Variants in SEC14L1 observed in about 807,000 individuals in gnomAD.
SEC14L1 encodes the protein SEC14 like lipid binding 1, also known as SEC14-like protein 1.
A neutral mutation model predicts 85.3 loss-of-function variants in SEC14L1; 48 were observed. That is an observed-to-expected ratio of 0.56 (90% confidence interval 0.45 to 0.72). The LOEUF (loss-of-function observed/expected upper bound fraction) is 0.72, where lower values mean the gene tolerates loss of function less well. SEC14L1 is among the 30% of genes least tolerant of loss of function. The probability of loss-of-function intolerance (pLI) is 0.00; values close to 1 mark genes in which losing one functional copy is unlikely to be tolerated. For missense variants in SEC14L1, 682 were observed against 921.4 expected, an observed-to-expected ratio of 0.74 and a Z score of 3.36; for synonymous variants, 391 against 355.5, an observed-to-expected ratio of 1.10 and a Z score of -1.12.
intron 3 of SEC14L1, among the ~76,000 whole-genome samples, chr17:77,125,244 G>A (rs1294227368): frequency 6.6e-6 from 1 of 151,800 alleles, no homozygotes; most frequent in Admixed American, 6.6e-5. Context: ...TGATCTGCCC[G>A]CCTCGGCCTC....
At chr17:77,186,018 T>A (rs943890556) in intron 3 of SEC14L1, among the ~76,000 whole-genome samples, 7 of 152,284 alleles carry the variant, frequency 4.6e-5, no homozygotes, top group Admixed American at 3.9e-4. Flanking sequence ...ACTTCCAAAG[T>A]AAGAACATTT....
At chr17:77,118,388 A>C (rs1295571145) in intron 3 of SEC14L1, among the ~76,000 whole-genome samples, 3 of 152,214 alleles carry the variant, frequency 2.0e-5, no homozygotes, top group African/African-American at 7.2e-5. Context: ...TTCAGTAGGC[A>C]CATATGGAGA....
intron 5 of SEC14L1, among the ~76,000 whole-genome samples, chr17:77,191,581 C>T (rs973519549): frequency 6.6e-6 from 1 of 151,928 alleles, no homozygotes; most frequent in African/African-American, 2.4e-5. Context: ...CTCCCTCTGT[C>T]GCCCAGGCCG....
At chr17:77,178,386 T>C (rs1481233889) in intron 3 of SEC14L1, among the ~76,000 whole-genome samples, 1 of 152,180 alleles carries the variant, frequency 6.6e-6, no homozygotes, top group African/African-American at 2.4e-5. Context: ...ATAATGTGGA[T>C]AAATCAGATG....
chr17:77,200,074 G>A (rs1411067900), intron 8 of SEC14L1, among the ~76,000 whole-genome samples: 1 of 152,214 alleles, frequency 6.6e-6, no homozygotes, highest in African/African-American at 2.4e-5. Flanking sequence ...GCTGAGGTGG[G>A]AGGATTGCCT....
At chr17:77,202,171 A>G (rs1471823565) in intron 9 of SEC14L1, among the ~76,000 whole-genome samples, 1 of 152,142 alleles carries the variant, frequency 6.6e-6, no homozygotes, top group Non-Finnish European at 1.5e-5. Flanking sequence ...GGCGGCACCC[A>G]TTAGACCTCC....
At chr17:77,184,239 A>G (rs1975169908) in intron 3 of SEC14L1, among the ~76,000 whole-genome samples, 1 of 152,202 alleles carries the variant, frequency 6.6e-6, no homozygotes, top group Non-Finnish European at 1.5e-5. Context: ...GGTGGTGCCC[A>G]TGAGATCTTT....
chr17:77,155,643 G>T (rs1374970043), intron 3 of SEC14L1, among the ~76,000 whole-genome samples: 1 of 152,152 alleles, frequency 6.6e-6, no homozygotes, highest in Non-Finnish European at 1.5e-5. Context: ...TCGTCCTTGG[G>T]GCTGCTGCCA....
intron 3 of SEC14L1, among the ~76,000 whole-genome samples, chr17:77,135,016 T>C (rs1972747762): frequency 6.6e-6 from 1 of 152,244 alleles, no homozygotes; most frequent in South Asian, 2.1e-4. Flanking sequence ...GCTGCCTGTC[T>C]TCTGTCCCTG....
At chr17:77,164,419 T>C (rs1288471532) in intron 3 of SEC14L1, among the ~76,000 whole-genome samples, 1 of 152,204 alleles carries the variant, frequency 6.6e-6, no homozygotes, top group Non-Finnish European at 1.5e-5. Context: ...CCCCCACCTC[T>C]TTTCCCTTTT....
At chr17:77,128,112 A>G (rs1420011176) in intron 3 of SEC14L1, 1 of 152,284 alleles carries the variant, frequency 6.6e-6, no homozygotes, top group Admixed American at 6.5e-5. Flanking sequence ...CAGTGCGTCA[A>G]CCATGGGTGC....
At chr17:77,105,721 A>G (rs1421094409) in intron 3 of SEC14L1, among the ~76,000 whole-genome samples, 1 of 152,212 alleles carries the variant, frequency 6.6e-6, no homozygotes, top group Non-Finnish European at 1.5e-5. Flanking sequence ...CTCAAGGTTA[A>G]GTGGTTAGGA....
At chr17:77,169,731 A>G (rs1053335711) in intron 3 of SEC14L1, among the ~76,000 whole-genome samples, 1 of 152,158 alleles carries the variant, frequency 6.6e-6, no homozygotes, top group Non-Finnish European at 1.5e-5. Flanking sequence ...GTGCATTTCA[A>G]AGGATCCTTT....
chr17:77,193,578 A>AGGGGGGGGGGGGGG, intron 6 of SEC14L1, 29 bp downstream of exon 6: 1 of 1,595,434 alleles, frequency 6.3e-7, no homozygotes, highest in South Asian at 1.1e-5. Context: ...TTTGTGGCAG[A>AGGGGGGGGGGGGGG]GGGTGGGCAG....
At position 77,213,085 on chromosome 17, in the gene SEC14L1, A is replaced by G. The variant is rs1976847879; in HGVS notation, c.1864-229A>G. On this transcript the variant is annotated intron_variant, in intron 15 of 16. Coordinates refer to ENST00000436233, the MANE Select transcript of SEC14L1 (RefSeq NM_001143998.2). This position sits in a 1 kb window ranked among gnomAD's most constrained non-coding sequence, Gnocchi z 7.1. Reference sequence around the variant, plus strand: ...GGCCTCGTGAGGGCCACGGACATGGAGCTTGTCCCTCCGGGCTTCCCAGCA... The same window carrying G: ...GGCCTCGTGAGGGCCACGGACATGGGGCTTGTCCCTCCGGGCTTCCCAGCA... Among the ~76,000 whole-genome samples the G allele has an allele frequency of 6.6e-6, 1 of 152,196 alleles. No homozygotes were observed. Among genetic ancestry groups the G allele is most frequent in the Non-Finnish European group, 1.5e-5 (1 of 68,030 alleles).
chr17:77,151,459 C>T (rs1973551020), intron 3 of SEC14L1, among the ~76,000 whole-genome samples: 2 of 152,112 alleles, frequency 1.3e-5, no homozygotes, highest in African/African-American at 4.8e-5. Flanking sequence ...TGGTTTTTCC[C>T]CATGCTTTTC....
intron 3 of SEC14L1, among the ~76,000 whole-genome samples, chr17:77,155,394 T>C (rs1479348002): frequency 5.3e-5 from 8 of 152,166 alleles, no homozygotes; most frequent in Admixed American, 5.2e-4. Flanking sequence ...CCCTTTCCCC[T>C]GAGCTGCTGC....
rs1260433496 is a variant in SEC14L1, at chr17:77,203,438, C to A, written c.1010-132C>A. On this transcript the variant is annotated intron_variant, in intron 9 of 16. Transcript: ENST00000436233. Reference sequence around the variant, plus strand: ...CTATCACACAAATCAGTTGCCACTTCTAAGAATCAGAAAGACTTTTAAGCG... The same window carrying A: ...CTATCACACAAATCAGTTGCCACTTATAAGAATCAGAAAGACTTTTAAGCG... 1.4e-5 allele frequency: 10 copies of A among 722,826 alleles called. No individual in the cohort carries two copies. The Admixed American group carries it at 3.0e-4, about 22-fold the overall frequency. The allele number at this position is 722,826 out of a possible 1,614,324, so 44.8% of individuals were successfully genotyped here. A position where few individuals can be genotyped will look rare whatever the true frequency, so the allele number is the denominator to read the frequency against.
At chr17:77,202,701 C>T (rs1976216851) in intron 9 of SEC14L1, among the ~76,000 whole-genome samples, 1 of 152,106 alleles carries the variant, frequency 6.6e-6, no homozygotes, top group African/African-American at 2.4e-5. Flanking sequence ...AGGCGGATTG[C>T]CTGAGCTCAG....
Sources: allele counts gnomAD v4.1 joint callset (sites outside exome capture counted in the v4.1 genomes callset), GRCh38; gene constraint gnomAD v4.1.1; non-coding constraint Gnocchi (gnomAD v3.1); transcripts MANE v1.5; gene names NCBI Gene and HGNC (gene_info 2026-07-23, HGNC 2026-07-21).